PRR16: variants seen among roughly 807,000 people sequenced by gnomAD.
PRR16 encodes proline rich 16.
A neutral mutation model predicts 18.2 loss-of-function variants in PRR16; 6 were observed. The observed-to-expected ratio is 0.33, with a 90% confidence interval of 0.18 to 0.65. The LOEUF (loss-of-function observed/expected upper bound fraction) is 0.65. Ranked by LOEUF, PRR16 falls within the 30% of genes least tolerant of loss-of-function variation. The pLI, the probability that PRR16 is intolerant of heterozygous loss-of-function variation, is 0.74. For synonymous variants in PRR16, 151 were observed against 147.8 expected (o/e 1.02, Z -0.16); for missense variants, 412 against 376.6 (o/e 1.09, Z -0.78).
chr5:120,750,628 C>G, the PRR16 span, among the ~76,000 whole-genome samples: 5 of 151,774 alleles, frequency 3.3e-5, no homozygotes, highest in Non-Finnish European at 7.4e-5. Context: ...GATCTCGCCA[C>G]TGCACTCCAC....
intron 1 of PRR16, among the ~76,000 whole-genome samples, chr5:120,541,385 A>T (rs1751909486): frequency 1.3e-5 from 2 of 152,024 alleles, no homozygotes; most frequent in Admixed American, 1.3e-4. Flanking sequence ...ACCTCAGCTG[A>T]TCTGCCCACC....
At chr5:120,766,657 C>A in the PRR16 span, among the ~76,000 whole-genome samples, 3 of 151,924 alleles carry the variant, frequency 2.0e-5, no homozygotes, top group Non-Finnish European at 4.4e-5. Context: ...TAACTGTAAT[C>A]CTCAATATAG....
chr5:120,780,106 T>G, the PRR16 span, among the ~76,000 whole-genome samples: 1 of 148,674 alleles, frequency 6.7e-6, no homozygotes, highest in Admixed American at 6.6e-5. Context: ...AAAGGAAAAC[T>G]GAGTCTCAAA....
the PRR16 span, among the ~76,000 whole-genome samples, chr5:120,712,469 G>C: frequency 6.6e-6 from 1 of 151,774 alleles, no homozygotes; most frequent in African/African-American, 2.4e-5. Flanking sequence ...TTCCACATAT[G>C]AGTAAGACTA....
chr5:120,732,522 T>C, the PRR16 span, among the ~76,000 whole-genome samples: 2 of 152,220 alleles, frequency 1.3e-5, no homozygotes, highest in African/African-American at 4.8e-5. Context: ...ACTGCAAGTG[T>C]TGGAAGCATA....
chr5:120,596,263 A>G (rs1753811814), intron 1 of PRR16, among the ~76,000 whole-genome samples: 1 of 151,636 alleles, frequency 6.6e-6, no homozygotes. Flanking sequence ...CTTTTCCTAC[A>G]TAAGGTACCT....
the PRR16 span, among the ~76,000 whole-genome samples, chr5:120,754,271 AAATAAT>A: frequency 3.3e-5 from 1 of 30,308 alleles, no homozygotes; most frequent in East Asian, 1.9e-3. Context: ...TATAAATATA[AAATAAT>A]ATATAAATAT....
intron 1 of PRR16, among the ~76,000 whole-genome samples, chr5:120,536,656 C>A (rs756444810): frequency 4.6e-5 from 7 of 152,154 alleles, no homozygotes; most frequent in Non-Finnish European, 5.9e-5. Context: ...AGTACATCTA[C>A]CTCTGTCCTC....
chr5:120,673,933 G>A (rs1254106244), intron 1 of PRR16, among the ~76,000 whole-genome samples: 3 of 141,118 alleles, frequency 2.1e-5, no homozygotes, highest in Non-Finnish European at 3.0e-5. Flanking sequence ...CCAGCCTGGC[G>A]ACAGAGTGAG....
At chr5:120,528,682 C>T (rs1751450356) in intron 1 of PRR16, among the ~76,000 whole-genome samples, 1 of 152,014 alleles carries the variant, frequency 6.6e-6, no homozygotes, top group Non-Finnish European at 1.5e-5. Context: ...ACCCCAAATC[C>T]AGAGGTGATT....
chr5:120,781,474 C>G, the PRR16 span: 1 of 152,134 alleles, frequency 6.6e-6, no homozygotes, highest in African/African-American at 2.4e-5. Flanking sequence ...AAAGTCTGTT[C>G]AGATTCTTCT....
chr5:120,744,637 C>A, the PRR16 span, among the ~76,000 whole-genome samples: 2 of 152,134 alleles, frequency 1.3e-5, no homozygotes, highest in African/African-American at 2.4e-5. Flanking sequence ...CCATTATTTT[C>A]TTTTAAAATA....
chr5:120,470,078 A>T (rs897452509), intron 1 of PRR16, among the ~76,000 whole-genome samples: 1 of 152,326 alleles, frequency 6.6e-6, no homozygotes, highest in Non-Finnish European at 1.5e-5. Flanking sequence ...GAAAAAAGAT[A>T]GAAATGCAAG....
At chr5:120,636,290 A>C (rs1262207810) in intron 1 of PRR16, among the ~76,000 whole-genome samples, 1 of 152,096 alleles carries the variant, frequency 6.6e-6, no homozygotes, top group East Asian at 1.9e-4. Context: ...TAAAATTCAC[A>C]TGGAACCACA....
In PRR16 at chr5:120,487,642, C is replaced by T. The variant is rs190981128; in HGVS notation, c.159+22997C>T. ...TTCCTAATTGAATACCCTCTATTTC[C>T]TTCTCCTGCCTCATTGCACTGGTCA... On this transcript the variant is annotated intron_variant, in intron 1 of 1. Coordinates refer to ENST00000407149, the MANE Select transcript of PRR16 (RefSeq NM_001300783.2). Among the ~76,000 whole-genome samples, 570 of 152,196 alleles carry T rather than the reference C, an allele frequency of 3.7e-3. 4 individuals carry two copies. The highest frequency in any genetic ancestry group is 0.013 in the African/African-American group (549 of 41,540).
chr5:120,711,175 T>C, the PRR16 span, among the ~76,000 whole-genome samples: 2 of 152,332 alleles, frequency 1.3e-5, no homozygotes, highest in South Asian at 4.1e-4. Flanking sequence ...TTAGCAACTT[T>C]TATTTCATCT....
At chr5:120,533,687 G>A (rs1179498066) in intron 1 of PRR16, among the ~76,000 whole-genome samples, 1 of 152,126 alleles carries the variant, frequency 6.6e-6, no homozygotes, top group African/African-American at 2.4e-5. Context: ...TGGAACAGAG[G>A]GAGCAAGGAG....
chr5:120,754,742 G>T, the PRR16 span, among the ~76,000 whole-genome samples: 2 of 146,758 alleles, frequency 1.4e-5, no homozygotes, highest in South Asian at 2.1e-4. Flanking sequence ...GTCTTCCTCA[G>T]CAGATGAATA....
chr5:120,556,827 C>T (rs1280319701), intron 1 of PRR16, among the ~76,000 whole-genome samples: 1 of 151,834 alleles, frequency 6.6e-6, no homozygotes, highest in African/African-American at 2.4e-5. Context: ...CCTACAAAAT[C>T]ATATGTGGAA....
Sources: gnomAD v4.1 joint callset for allele counts (sites outside exome capture counted in the v4.1 genomes callset) on GRCh38, gnomAD v4.1.1 for gene constraint, MANE v1.5 for transcripts, NCBI Gene and HGNC (gene_info 2026-07-23, HGNC 2026-07-21) for gene names.